Variants in CRACR2A observed in about 807,000 individuals in gnomAD.
CRACR2A encodes the protein EF-hand calcium-binding domain-containing protein 4B.
Under a neutral mutation model 90.5 loss-of-function variants are expected in CRACR2A, and 79 were observed. The ratio of observed to expected loss-of-function variants is 0.87; its 90% CI spans 0.73 to 1.05. The LOEUF is 1.05. CRACR2A is among the 50% of genes least tolerant of loss of function. The pLI, the probability that CRACR2A is intolerant of heterozygous loss-of-function variation, is 0.00. For synonymous variants in CRACR2A, 338 were observed against 356.7 expected (o/e 0.95, Z 0.59); for missense variants, 823 against 897.2 (o/e 0.92, Z 1.06).
At chr12:3,637,752 G>A (rs758077305) in intron 14 of CRACR2A, among the ~76,000 whole-genome samples, 10 of 152,282 alleles carry the variant, frequency 6.6e-5, no homozygotes, top group South Asian at 2.1e-4. Context: ...AAGGACTTGC[G>A]TCAGAAATAA....
chr12:3,742,000 C>T (rs1474808005), intron 1 of CRACR2A, among the ~76,000 whole-genome samples: 1 of 152,228 alleles, frequency 6.6e-6, no homozygotes, highest in African/African-American at 2.4e-5. Context: ...CAAAGCACCT[C>T]TGAGACAGCC....
In CRACR2A at chr12:3,749,573, G is replaced by A. The variant is rs897293227; in HGVS notation, c.-387+3442C>T. 2.6e-5 allele frequency among the ~76,000 whole-genome samples: 4 copies of A among 151,952 alleles called. No homozygotes were observed. The East Asian group carries it at 7.7e-4, about 29-fold the overall frequency. On this transcript the variant is annotated intron_variant, in intron 1 of 19. Coordinates refer to ENST00000440314, the MANE Select transcript of CRACR2A (RefSeq NM_001144958.2). ...CCTCTCCTTTCCTGCTTCCCTGTCC[G>A]TGCCTTAGGATTCTGCTGGTGCACA...
chr12:3,638,295 G>T lies in CRACR2A; in HGVS notation c.1431C>A (p.Asp477Glu). ...PLRRIISVEE[D>E]PLPQLLDGGF... is the part of the protein sequence containing the mutation. ...CACCATCCAGGAGCTGGGGCAGGGG[G>T]TCTTCTTCAACGGAGATGATTCTGC... The change falls in exon 14 of 20, where the codon GAC becomes GAA. Residue 477 changes from aspartate to glutamate, a missense_variant. Coordinates refer to ENST00000440314, the MANE Select transcript of CRACR2A (RefSeq NM_001144958.2). 1.3e-6 allele frequency: 2 copies of T among 1,551,644 alleles called. No individual in the cohort carries two copies. Among genetic ancestry groups the T allele is most frequent in the East Asian group, 2.4e-5 (1 of 40,906 alleles).
In CRACR2A at chr12:3,636,940, C is replaced by G. The variant is rs116462504; in HGVS notation, c.1602+1184G>C. ...GCTCAGTTCTCAATGGCTGCCGCGG[C>G]GTGCAGGGCGGAGCCTCTTTCACAC... is the stretch of plus-strand genomic sequence containing the variant. On this transcript the variant is annotated intron_variant, in intron 14 of 19. Transcript: ENST00000440314. Among the ~76,000 whole-genome samples the G allele has an allele frequency of 1.3e-3, 199 of 152,346 alleles. 1 individual carries two copies. The highest frequency in any genetic ancestry group is 4.5e-3 in the African/African-American group (188 of 41,586).
At chr12:3,677,873 C>A (rs1455501184) in intron 6 of CRACR2A, among the ~76,000 whole-genome samples, 1 of 152,228 alleles carries the variant, frequency 6.6e-6, no homozygotes, top group Non-Finnish European at 1.5e-5. Context: ...CTGGAACACA[C>A]TTTCGCCAGC....
chr12:3,744,339 G>C (rs1036123193), intron 1 of CRACR2A, among the ~76,000 whole-genome samples: 4 of 152,180 alleles, frequency 2.6e-5, no homozygotes, highest in African/African-American at 9.6e-5. Flanking sequence ...ATGGAACATG[G>C]TTCACATAAT....
rs558292740 is a variant in CRACR2A at position 3,746,208 on chromosome 12, C to T, written c.-387+6807G>A. Among the ~76,000 whole-genome samples, 65 of 152,258 alleles carry T rather than the reference C, an allele frequency of 4.3e-4. No individual in the cohort carries two copies. In the South Asian group the frequency reaches 0.011, roughly 25 times the overall value. On this transcript the variant is annotated intron_variant, in intron 1 of 19. Coordinates refer to ENST00000440314, the MANE Select transcript of CRACR2A (RefSeq NM_001144958.2). This position sits in a 1 kb window ranked among gnomAD's most constrained non-coding sequence, Gnocchi z 4.4. ...TGCTATGAGCTAAATTATGTCCCCC[C>T]GACAATTCATATGTTGAAGCCCTAA...
At position 3,725,561 on chromosome 12, in the gene CRACR2A, CTT is replaced by C. The variant is rs375473522; in HGVS notation, c.-118+7379_-118+7380del. Among the ~76,000 whole-genome samples the C allele has an allele frequency of 6.7e-3, 1,016 of 152,276 alleles. 8 individuals carry two copies. Among genetic ancestry groups the C allele is most frequent in the African/African-American group, 0.023 (957 of 41,550 alleles). On this transcript the variant is annotated intron_variant, in intron 2 of 19. Transcript: ENST00000440314. ...TCACTTCATTACATCTGCAAAGACT[CTT>C]TTTTCCAAATAAGGTCATATTCACC...
chr12:3,632,103 A>C (rs986637150), intron 15 of CRACR2A, among the ~76,000 whole-genome samples: 1 of 152,086 alleles, frequency 6.6e-6, no homozygotes, highest in Non-Finnish European at 1.5e-5. Flanking sequence ...TGCTGTCCTC[A>C]TGAAGGAGTT....
At chr12:3,653,228 A>G (rs1029092953) in intron 10 of CRACR2A, among the ~76,000 whole-genome samples, 20 of 149,346 alleles carry the variant, frequency 1.3e-4, no homozygotes, top group South Asian at 4.2e-4. Context: ...TAATCTGCCC[A>G]CCTTGGCCTC....
chr12:3,686,344 G>A (rs1379543272), intron 4 of CRACR2A, among the ~76,000 whole-genome samples: 1 of 152,144 alleles, frequency 6.6e-6, no homozygotes, highest in Non-Finnish European at 1.5e-5. Context: ...AAAAGAATGA[G>A]CACATCTGTG....
Position 3,713,280 on chromosome 12 carries a change from C to G in CRACR2A, c.-80G>C. On this transcript the variant is annotated 5_prime_UTR_variant, in exon 3 of 20. Transcript: ENST00000440314. Reference sequence around the variant, plus strand: ...TCGGAGGACCTGCAACTCTTCACACCTGGAGGGTACTTTGGCCACTGGTGA... The same window carrying G: ...TCGGAGGACCTGCAACTCTTCACACGTGGAGGGTACTTTGGCCACTGGTGA... 1.0e-6 allele frequency: 1 copy of G among 985,398 alleles called. No homozygotes were observed. The highest frequency in any genetic ancestry group is 1.2e-6 in the Non-Finnish European group (1 of 829,976). 61.0% of individuals were successfully genotyped at this position (985,398 alleles called of 1,614,324 possible). A position where few individuals can be genotyped will look rare whatever the true frequency, so the allele number is the denominator to read the frequency against.
intron 1 of CRACR2A, among the ~76,000 whole-genome samples, chr12:3,750,726 T>A (rs889125467): frequency 1.3e-5 from 2 of 152,146 alleles, no homozygotes; most frequent in African/African-American, 4.8e-5. Context: ...GAGGAATCCC[T>A]CACTAGCTCT....
intron 1 of CRACR2A, among the ~76,000 whole-genome samples, chr12:3,745,715 T>C (rs535084775): frequency 1.3e-5 from 2 of 150,182 alleles, no homozygotes; most frequent in African/African-American, 4.9e-5. Flanking sequence ...TGTAGGTAGG[T>C]TGCAGTGAGC....
intron 1 of CRACR2A, among the ~76,000 whole-genome samples, chr12:3,749,794 T>TG (rs1946678657): frequency 8.8e-6 from 1 of 114,136 alleles, no homozygotes; most frequent in African/African-American, 3.3e-5. Context: ...TTGCTGTTTC[T>TG]TTGTGTGTGT....
chr12:3,683,814 G>A (rs1033782136), intron 4 of CRACR2A, among the ~76,000 whole-genome samples: 6 of 152,172 alleles, frequency 3.9e-5, no homozygotes, highest in Non-Finnish European at 5.9e-5. Flanking sequence ...ATAGATAAGC[G>A]CTTGACTAAG....
intron 1 of CRACR2A, among the ~76,000 whole-genome samples, 180 bp downstream of exon 1, chr12:3,752,835 G>C (rs1025655948): frequency 6.6e-6 from 1 of 152,102 alleles, no homozygotes; most frequent in Non-Finnish European, 1.5e-5. Flanking sequence ...GGCCAGGCCA[G>C]GCCTGGGGGT....
rs1319053349 is a variant in CRACR2A at position 3,638,348 on chromosome 12, G to A, written c.1378C>T (p.Pro460Ser). 1 of 1,551,564 alleles carries A rather than the reference G, an allele frequency of 6.4e-7. No homozygotes were observed. The highest frequency in any genetic ancestry group is 1.2e-5 in the South Asian group (1 of 84,058). Reference protein sequence around the residue: ...EEEPGTGEPGPGGPYPRPLRR... With the variant: ...EEEPGTGEPGSGGPYPRPLRR... ...AGCGGCCGGGGGTACGGACCCCCAGGCCCTGGCTCCCCGGTTCCTGGCTCC... is the reference window on the plus strand; with the variant it reads ...AGCGGCCGGGGGTACGGACCCCCAGACCCTGGCTCCCCGGTTCCTGGCTCC... The change falls in exon 14 of 20, where the codon CCT becomes TCT. Residue 460 changes from proline to serine, a missense_variant. Transcript: ENST00000440314.
chr12:3,627,670 T>A lies in CRACR2A; in HGVS notation c.1772A>T (p.Asn591Ile). The change falls in exon 16 of 20, where the codon AAC becomes ATC. Residue 591 changes from asparagine (N) to isoleucine (I), a missense_variant. By Grantham distance (149) the Asn-to-Ile change is moderately radical. Coordinates refer to ENST00000440314, the MANE Select transcript of CRACR2A (RefSeq NM_001144958.2). ...DYRVKTLNVD[N>I]SQVALQLWDT... is the part of the protein sequence containing the mutation. ...CCACAGCTGCAGGGCCACCTGAGAGTTGTCCACATTCAACGTCTTCACACG... is the reference window on the plus strand; with the variant it reads ...CCACAGCTGCAGGGCCACCTGAGAGATGTCCACATTCAACGTCTTCACACG... The A allele has an allele frequency of 6.4e-7, 1 of 1,551,564 alleles. No individual in the cohort carries two copies. Among genetic ancestry groups the A allele is most frequent in the Non-Finnish European group, 8.7e-7 (1 of 1,146,952 alleles).
Sources: allele counts gnomAD v4.1 joint callset (sites outside exome capture counted in the v4.1 genomes callset), GRCh38; gene constraint gnomAD v4.1.1; non-coding constraint Gnocchi (gnomAD v3.1); transcripts MANE v1.5; gene names NCBI Gene and HGNC (gene_info 2026-07-23, HGNC 2026-07-21).